The following PRKCG variants were observed in gnomAD, a reference collection of about 807,000 sequenced individuals.
The protein encoded by PRKCG is protein kinase C gamma.
PRKCG carries 28 observed loss-of-function variants against 82.0 expected under a neutral mutation model. The ratio of observed to expected loss-of-function variants is 0.34; its 90% CI spans 0.25 to 0.47. The LOEUF (loss-of-function observed/expected upper bound fraction) is 0.47. Among genes scored for constraint, PRKCG ranks in the 20% least tolerant of loss-of-function variants. The pLI, the probability that PRKCG is intolerant of heterozygous loss-of-function variation, is 1.00. For missense variants in PRKCG, 640 were observed against 952.7 expected, an observed-to-expected ratio of 0.67 and a Z score of 4.32; for synonymous variants, 383 against 376.6, an observed-to-expected ratio of 1.02 and a Z score of -0.20.
Position 53,906,428 on chromosome 19 carries a change from G to C in PRKCG, c.1876G>C (p.Glu626Gln). ...TGACTGGGAGCGGCTGGAACGATTG[G>C]AGATCCCGCCTCCTTTCAGACCCCG... is the stretch of plus-strand genomic sequence containing the variant. The part of the protein sequence containing the change: ...WIDWERLERL[E>Q]IPPPFRPRPC... The change falls in exon 17 of 18, where the codon GAG becomes CAG. Residue 626 changes from glutamate to glutamine, a missense_variant. This residue lies in a region of PRKCG where 198 missense variants were observed against 273.4 expected (regional missense o/e 0.72). Transcript: ENST00000263431. 6.4e-7 allele frequency: 1 copy of C among 1,574,506 alleles called. No individual in the cohort carries two copies. Among genetic ancestry groups the C allele is most frequent in the East Asian group, 2.3e-5 (1 of 42,614 alleles).
chr19:53,903,626 C>G (rs925529191), intron 15 of PRKCG, among the ~76,000 whole-genome samples: 2 of 152,088 alleles, frequency 1.3e-5, no homozygotes, highest in Non-Finnish European at 2.9e-5. Context: ...ACCTATAGTC[C>G]CAGCTACTGG....
intron 11 of PRKCG, 35 bp downstream of exon 11, chr19:53,898,663 C>A (rs748779088): frequency 6.5e-7 from 1 of 1,545,818 alleles, no homozygotes; most frequent in Non-Finnish European, 8.7e-7. Context: ...GTCCTCCGGG[C>A]CCTGCCTTAT....
At chr19:53,887,015 C>T (rs183912054) in intron 3 of PRKCG, among the ~76,000 whole-genome samples, 16 of 152,118 alleles carry the variant, frequency 1.1e-4, no homozygotes, top group Admixed American at 2.0e-4. Flanking sequence ...AATGAGGAAA[C>T]GAGTGAATAG....
Position 53,889,742 on chromosome 19 carries a change from A to C in PRKCG, c.390A>C (p.Lys130Asn), listed in dbSNP as rs760542938. The change falls in exon 4 of 18, where the codon AAA becomes AAC. Residue 130 changes from lysine (K) to asparagine (N), a missense_variant. By Grantham distance (94) the Lys-to-Asn change is moderately conservative (BLOSUM62 0). Coordinates refer to ENST00000263431, the MANE Select transcript of PRKCG (RefSeq NM_002739.5). The surrounding 1 kb of genome is among the most constrained non-coding windows in gnomAD (Gnocchi z 4.4). The stretch of plus-strand genomic sequence containing the variant: ...ACGGGCTTGTGCACCAGGGCATGAA[A>C]TGCTCCTGTGAGTGACCTGGGCCTT... Reference protein sequence around the residue: ...LLYGLVHQGMKCSCCEMNVHR... With the variant: ...LLYGLVHQGMNCSCCEMNVHR... 1 of 1,613,726 alleles carries C rather than the reference A, an allele frequency of 6.2e-7. No homozygotes were observed. The highest frequency in any genetic ancestry group is 1.7e-5 in the Admixed American group (1 of 59,998).
intron 9 of PRKCG, among the ~76,000 whole-genome samples, chr19:53,895,945 A>G (rs2068714813): frequency 2.6e-5 from 4 of 151,906 alleles, no homozygotes; most frequent in Admixed American, 1.3e-4. Context: ...CTGTAGTCCC[A>G]GGTACTCAGG....
chr19:53,888,798 G>A (rs986671458), intron 3 of PRKCG, among the ~76,000 whole-genome samples: 7 of 152,104 alleles, frequency 4.6e-5, no homozygotes, highest in Non-Finnish European at 1.0e-4. Context: ...AAGGAGCTGG[G>A]GTTCAGGGTG....
Position 53,900,114 on chromosome 19 carries a change from T to G in PRKCG, c.1282-119T>G. The G allele has an allele frequency of 1.1e-6, 1 of 935,744 alleles. No homozygotes were observed. Among genetic ancestry groups the G allele is most frequent in the Non-Finnish European group, 1.7e-6 (1 of 576,034 alleles). The allele number at this position is 935,744 out of a possible 1,614,324, so 58.0% of individuals were successfully genotyped here. ...CCCTCCCAGGGATGTGGCTAGGTGC[T>G]CTGAATTTCTGGTTGGGTGCATCTG... On this transcript the variant is annotated intron_variant, in intron 11 of 17. Transcript: ENST00000263431. The surrounding 1 kb of genome is among the most constrained non-coding windows in gnomAD (Gnocchi z 4.2).
intron 9 of PRKCG, among the ~76,000 whole-genome samples, chr19:53,893,880 A>C (rs2068698440): frequency 1.3e-5 from 2 of 151,340 alleles, no homozygotes; most frequent in South Asian, 4.2e-4. Flanking sequence ...CAGCCTCCTG[A>C]GTAGCTGGGA....
chr19:53,892,495 C>A lies in PRKCG; in HGVS notation c.687-14C>A. The A allele has an allele frequency of 1.2e-6, 2 of 1,608,874 alleles. No homozygotes were observed. The highest frequency in any genetic ancestry group is 8.5e-7 in the Non-Finnish European group (1 of 1,178,864). ...AGCTCGGCTCTGCACCCCATCCACC[C>A]CACCTTCCTGCAGCAACCTGAAGCC... On this transcript the variant is annotated splice_polypyrimidine_tract_variant and intron_variant, in intron 6 of 17. Coordinates refer to ENST00000263431, the MANE Select transcript of PRKCG (RefSeq NM_002739.5). This position sits in a 1 kb window ranked among gnomAD's most constrained non-coding sequence, Gnocchi z 5.9.
intron 5 of PRKCG, among the ~76,000 whole-genome samples, chr19:53,890,748 ATTTTTTTT>A (rs540543756): frequency 8.3e-6 from 1 of 119,800 alleles, no homozygotes; most frequent in African/African-American, 3.1e-5. Context: ...CATCCGGCTA[ATTTTTTTT>A]TTTTTTTTTT....
In PRKCG at chr19:53,897,948, C is replaced by T. The variant is rs941771877; in HGVS notation, c.940-11C>T. On this transcript the variant is annotated splice_polypyrimidine_tract_variant and intron_variant, in intron 9 of 17. Transcript: ENST00000263431. ...TAACTGCCTCTGGCTCTTTCTTTCT[C>T]CTTTCCACAGCGGGTGCGGATGGGC... 6 of 1,613,930 alleles carry T rather than the reference C, an allele frequency of 3.7e-6. No homozygotes were observed. The African/African-American group carries it at 8.0e-5, about 22-fold the overall frequency.
Position 53,882,443 on chromosome 19 carries a change from C to A in PRKCG, c.-52C>A. 1.3e-6 allele frequency: 2 copies of A among 1,588,010 alleles called. No homozygotes were observed. The highest frequency in any genetic ancestry group is 1.7e-6 in the Non-Finnish European group (2 of 1,167,396). ...AGTCTCCAGCTCCTCTCCCTTCCAC[C>A]TGTTTCCCCCAAGAAAGGCAGGATC... is the stretch of plus-strand genomic sequence containing the variant. On this transcript the variant is annotated 5_prime_UTR_variant, in exon 1 of 18. In the 5' UTR this introduces an upstream ATG that the reference lacks. Transcript: ENST00000263431. The surrounding 1 kb of genome is among the most constrained non-coding windows in gnomAD (Gnocchi z 6.1).
rs1017373540 is a variant in PRKCG, at chr19:53,907,478, C to T, written c.*583C>T. 2.5e-5 allele frequency: 4 copies of T among 160,702 alleles called. No individual in the cohort carries two copies. The highest frequency in any genetic ancestry group is 5.5e-5 in the Non-Finnish European group (4 of 73,166). The allele number at this position is 160,702 out of a possible 1,614,324, so 10.0% of individuals were successfully genotyped here. On this transcript the variant is annotated 3_prime_UTR_variant, in exon 18 of 18. Transcript: ENST00000263431. ...GTTCTAGACTTCCCCATCCCGAAGC[C>T]ATCACTTCTCCCCGCAGCCCGCCTG...
chr19:53,891,633 G>A (rs1599944890), intron 5 of PRKCG, 41 bp from the exon 6 acceptor site: 5 of 1,610,466 alleles, frequency 3.1e-6, no homozygotes, highest in Non-Finnish European at 4.2e-6. Flanking sequence ...GCCCCTTCCT[G>A]GATCTCTAAC....
chr19:53,881,302 A>G (rs1219799135), upstream of PRKCG, among the ~76,000 whole-genome samples: 1 of 152,068 alleles, frequency 6.6e-6, no homozygotes, highest in African/African-American at 2.4e-5. Context: ...AGGTGAGGAG[A>G]GAGAGGGAGA....
rs867516465 is a variant in PRKCG at position 53,883,251 on chromosome 19, C to T, written c.202+57C>T. The T allele has an allele frequency of 8.1e-6, 13 of 1,601,110 alleles. No individual in the cohort carries two copies. In the African/African-American group the frequency reaches 1.5e-4, roughly 18 times the overall value. On this transcript the variant is annotated intron_variant, in intron 2 of 17. Coordinates refer to ENST00000263431, the MANE Select transcript of PRKCG (RefSeq NM_002739.5). This position sits in a 1 kb window ranked among gnomAD's most constrained non-coding sequence, Gnocchi z 5.4. ...CTCAGGAGGGTGGAGGCTGGGGCCCCACAGCTGAGGCTGCTTGACACACGT... is the reference window on the plus strand; with the variant it reads ...CTCAGGAGGGTGGAGGCTGGGGCCCTACAGCTGAGGCTGCTTGACACACGT...
At position 53,892,569 on chromosome 19, in the gene PRKCG, G is replaced by A. The variant is rs759373510; in HGVS notation, c.747G>A (p.Arg249=). ...RLSVEVWDWD[R]TSRNDFMGAM... is the part of the protein sequence containing the mutation. ...GCGTGGAGGTGTGGGACTGGGACCG[G>A]ACCTCCCGCAACGACTTCATGGGGG... Residue 249 remains arginine, a synonymous_variant, in exon 7 of 18, where the codon CGG becomes CGA. Coordinates refer to ENST00000263431, the MANE Select transcript of PRKCG (RefSeq NM_002739.5). The surrounding 1 kb of genome is among the most constrained non-coding windows in gnomAD (Gnocchi z 5.9). 6 of 1,613,574 alleles carry A rather than the reference G, an allele frequency of 3.7e-6. No homozygotes were observed. In the Admixed American group the frequency reaches 1.0e-4, roughly 27 times the overall value.
At chr19:53,887,370 G>A (rs1029559972) in intron 3 of PRKCG, among the ~76,000 whole-genome samples, 4 of 151,750 alleles carry the variant, frequency 2.6e-5, no homozygotes, top group Admixed American at 1.3e-4. Flanking sequence ...GGTGGCACAC[G>A]CCTGTAATCC....
chr19:53,892,881 T>C lies in PRKCG; in HGVS notation c.822-107T>C, dbSNP rs1360578257. ...TTTATCTCACTCTTTCTCTCTTCCATCTCTGTGTCCGTCTCTCTGTGTCTC... is the reference window on the plus strand; with the variant it reads ...TTTATCTCACTCTTTCTCTCTTCCACCTCTGTGTCCGTCTCTCTGTGTCTC... On this transcript the variant is annotated intron_variant, in intron 7 of 17. Coordinates refer to ENST00000263431, the MANE Select transcript of PRKCG (RefSeq NM_002739.5). This position sits in a 1 kb window ranked among gnomAD's most constrained non-coding sequence, Gnocchi z 5.9. The C allele has an allele frequency of 8.6e-7, 1 of 1,158,790 alleles. No homozygotes were observed. Among genetic ancestry groups the C allele is most frequent in the Non-Finnish European group, 1.3e-6 (1 of 791,580 alleles). The allele number at this position is 1,158,790 out of a possible 1,614,324, so 71.8% of individuals were successfully genotyped here.
Sources: allele counts gnomAD v4.1 joint callset (sites outside exome capture counted in the v4.1 genomes callset), GRCh38; gene constraint gnomAD v4.1.1; regional missense constraint gnomAD v4.1.1; non-coding constraint Gnocchi (gnomAD v3.1); transcripts MANE v1.5; gene names NCBI Gene and HGNC (gene_info 2026-07-23, HGNC 2026-07-21).